LAMC2: variants seen among roughly 807,000 people sequenced by gnomAD.
LAMC2 encodes laminin subunit gamma 2, also known as laminin subunit gamma-2.
LAMC2 carries 97 observed loss-of-function variants against 140.2 expected under a neutral mutation model. The observed-to-expected ratio is 0.69, with a 90% confidence interval of 0.59 to 0.82. The LOEUF (loss-of-function observed/expected upper bound fraction) is 0.82, where lower values mean the gene tolerates loss of function less well. Among genes scored for constraint, LAMC2 ranks in the 40% least tolerant of loss-of-function variants. LAMC2 has a pLI of 0.00. For missense variants in LAMC2, 1,402 were observed against 1,476.1 expected (o/e 0.95, Z 0.82); for synonymous variants, 513 against 540.2 (o/e 0.95, Z 0.70).
At chr1:183,230,868 G>A in intron 11 of LAMC2, 93 bp from the exon 12 acceptor site, 1 of 1,420,336 alleles carries the variant, frequency 7.0e-7, no homozygotes, top group Non-Finnish European at 9.9e-7. Flanking sequence ...ATTCTCTGCT[G>A]TTGGAGGCTT....
the LAMC2 span, chr1:183,252,701 C>G: frequency 6.2e-7 from 1 of 1,614,070 alleles, no homozygotes; most frequent in Non-Finnish European, 8.5e-7. Flanking sequence ...CCGGCTGGGA[C>G]AGGTAATCCA....
chr1:183,232,938 G>T, intron 14 of LAMC2, 81 bp downstream of exon 14: 1 of 1,309,226 alleles, frequency 7.6e-7, no homozygotes, highest in South Asian at 1.2e-5. Context: ...CTCAATTTCT[G>T]TCTCTCAGTG....
Position 183,218,442 on chromosome 1 carries a change from G to T in LAMC2, c.457G>T (p.Gly153Cys). The change falls in exon 4 of 23, where the codon GGC (glycine) becomes TGC (cysteine). Residue 153 changes from glycine (G) to cysteine (C), a missense_variant. Physicochemically the swap from Gly to Cys is radical, Grantham distance 159. Coordinates refer to ENST00000264144, the MANE Select transcript of LAMC2 (RefSeq NM_005562.3). ...TGGCATCGCAGGGCCCTGTGACGCGGGCCGCTGTGTCTGCAAGCCAGCTGT... is the reference window on the plus strand; with the variant it reads ...TGGCATCGCAGGGCCCTGTGACGCGTGCCGCTGTGTCTGCAAGCCAGCTGT... ...PAGIAGPCDA[G>C]RCVCKPAVTG... 6.2e-7 allele frequency: 1 copy of T among 1,614,114 alleles called. No individual in the cohort carries two copies. The highest frequency in any genetic ancestry group is 8.5e-7 in the Non-Finnish European group (1 of 1,179,988).
chr1:183,222,237 A>G, intron 6 of LAMC2, 26 bp downstream of exon 6: 1 of 1,611,524 alleles, frequency 6.2e-7, no homozygotes, highest in Non-Finnish European at 8.5e-7. Context: ...TGTCTCCTAT[A>G]GAGGCCAGCT....
At chr1:183,209,788 T>C (rs1016587304) in intron 2 of LAMC2, among the ~76,000 whole-genome samples, 1 of 152,214 alleles carries the variant, frequency 6.6e-6, no homozygotes, top group African/African-American at 2.4e-5. Context: ...ACCAGGAACC[T>C]GCTGCCTAGC....
chr1:183,246,346 TC>T (rs1660243293), downstream of LAMC2, among the ~76,000 whole-genome samples: 1 of 152,158 alleles, frequency 6.6e-6, no homozygotes, highest in South Asian at 2.1e-4. Flanking sequence ...GGATGTGGCT[TC>T]CCCAGGATCT....
At chr1:183,219,075 G>T (rs987097581) in intron 4 of LAMC2, among the ~76,000 whole-genome samples, 1 of 152,208 alleles carries the variant, frequency 6.6e-6, no homozygotes, top group Non-Finnish European at 1.5e-5. Flanking sequence ...CCAAGCTGCC[G>T]GTGCAGGACG....
Position 183,231,266 on chromosome 1 carries a change from A to G in LAMC2, c.1857+163A>G, listed in dbSNP as rs1320858625. ...AATTGCTGCATTAAAAAAATTCTGT[A>G]TAATGATAATACTTCAGGTTTATGT... On this transcript the variant is annotated intron_variant, in intron 12 of 22. Transcript: ENST00000264144. Among the ~76,000 whole-genome samples the G allele has an allele frequency of 2.0e-5, 3 of 152,176 alleles. No homozygotes were observed. In the East Asian group the frequency reaches 5.8e-4, roughly 29 times the overall value.
Position 183,244,902 on chromosome 1 carries a change from G to T in LAMC2, c.*1502G>T, listed in dbSNP as rs1660209824. On this transcript the variant is annotated 3_prime_UTR_variant, in exon 23 of 23. Transcript: ENST00000264144. ...TTTAAATAAAGAACAATTGTTAGAT[G>T]CCTGGGGTCAGTTTCTGATTTACTA... 6.6e-6 allele frequency: 1 copy of T among 152,256 alleles called. No homozygotes were observed. The highest frequency in any genetic ancestry group is 1.5e-5 in the Non-Finnish European group (1 of 68,042). The allele number at this position is 152,256 out of a possible 1,614,324, so 9.4% of individuals were successfully genotyped here. A position where few individuals can be genotyped will look rare whatever the true frequency, so the allele number is the denominator to read the frequency against.
chr1:183,188,371 C>T (rs1658221619), intron 1 of LAMC2, among the ~76,000 whole-genome samples: 1 of 152,200 alleles, frequency 6.6e-6, no homozygotes, highest in Admixed American at 6.5e-5. Context: ...CTGTGGGCTG[C>T]ACATATGAGA....
At chr1:183,218,035 A>G (rs1659331301) in intron 3 of LAMC2, among the ~76,000 whole-genome samples, 1 of 152,372 alleles carries the variant, frequency 6.6e-6, no homozygotes, top group African/African-American at 2.4e-5. Flanking sequence ...TAGGGAAACA[A>G]ATGATAATTT....
the LAMC2 span, among the ~76,000 whole-genome samples, chr1:183,257,692 A>G: frequency 6.6e-6 from 1 of 151,504 alleles, no homozygotes; most frequent in Non-Finnish European, 1.5e-5. Context: ...GATCCATCTT[A>G]TTTCTGAGAC....
intron 20 of LAMC2, 127 bp from the exon 21 acceptor site, chr1:183,239,913 C>T: frequency 9.6e-7 from 1 of 1,042,112 alleles, no homozygotes; most frequent in East Asian, 2.4e-5. Flanking sequence ...CTGATTCTCT[C>T]ATTATTCATC....
At chr1:183,250,597 T>C in the LAMC2 span, 1 of 152,632 alleles carries the variant, frequency 6.6e-6, no homozygotes, top group African/African-American at 2.4e-5. Flanking sequence ...CTGGCTGACC[T>C]GGACCAGCCA....
At chr1:183,256,384 G>C in the LAMC2 span, among the ~76,000 whole-genome samples, 4 of 152,058 alleles carry the variant, frequency 2.6e-5, no homozygotes, top group Admixed American at 2.6e-4. Context: ...ACTCCAGCCT[G>C]GGTGACAGAA....
chr1:183,228,976 T>C lies in LAMC2; in HGVS notation c.1714+357T>C, dbSNP rs1396020608. 6.6e-6 allele frequency among the ~76,000 whole-genome samples: 1 copy of C among 152,162 alleles called. No individual in the cohort carries two copies. The highest frequency in any genetic ancestry group is 2.4e-5 in the African/African-American group (1 of 41,432). On this transcript the variant is annotated intron_variant, in intron 11 of 22. Coordinates refer to ENST00000264144, the MANE Select transcript of LAMC2 (RefSeq NM_005562.3). The surrounding 1 kb of genome is among the most constrained non-coding windows in gnomAD (Gnocchi z 4.3). ...AAACCTGTTGTAGGAGAGTAATAAA[T>C]GACTTGAGAGTAAGCCTAAGCAAAC...
chr1:183,190,485 T>C (rs370717338), intron 1 of LAMC2, among the ~76,000 whole-genome samples: 18 of 151,978 alleles, frequency 1.2e-4, no homozygotes, highest in Admixed American at 8.5e-4. Flanking sequence ...TCATTCCTTC[T>C]CCTTGCCTTT....
intron 1 of LAMC2, among the ~76,000 whole-genome samples, chr1:183,199,122 T>TTC (rs1368341799): frequency 6.9e-5 from 10 of 145,308 alleles, no homozygotes; most frequent in African/African-American, 2.5e-4. Flanking sequence ...TTTTTTTTTT[T>TTC]GAGACAGAGT....
rs948329225 is a variant in LAMC2, at chr1:183,241,163, G to A, written c.3328+772G>A. On this transcript the variant is annotated intron_variant, in intron 22 of 22. Transcript: ENST00000264144. ...CTCAGGAGTCTGAGGCAGGAGAATC[G>A]CTTGAACCCAGGAGGCGGAGGTTAC... 13 of 277,060 alleles carry A rather than the reference G, an allele frequency of 4.7e-5. No homozygotes were observed. The South Asian group carries it at 6.8e-4, about 15-fold the overall frequency. 17.2% of individuals were successfully genotyped at this position (277,060 alleles called of 1,614,324 possible).
Sources: gnomAD v4.1 joint callset for allele counts (sites outside exome capture counted in the v4.1 genomes callset) on GRCh38, gnomAD v4.1.1 for gene constraint, Gnocchi (gnomAD v3.1) non-coding constraint, MANE v1.5 for transcripts, NCBI Gene and HGNC (gene_info 2026-07-23, HGNC 2026-07-21) for gene names.